Variants in BLTP3B observed in about 807,000 individuals in gnomAD.
The protein encoded by BLTP3B is UHRF1 (ICBP90) binding protein 1-like.
chr12:100,138,803 C>T, the BLTP3B span, among the ~76,000 whole-genome samples: 1 of 152,194 alleles, frequency 6.6e-6, no homozygotes, highest in Non-Finnish European at 1.5e-5. Flanking sequence ...ATTAAATATA[C>T]GTCCACTTTG....
At chr12:100,057,724 G>C in the BLTP3B span, 1 of 1,610,326 alleles carries the variant, frequency 6.2e-7, no homozygotes, top group South Asian at 1.1e-5. Flanking sequence ...AGGTTGGGTG[G>C]GCAACGTTCC....
the BLTP3B span, chr12:100,051,275 T>G: frequency 6.6e-7 from 1 of 1,520,358 alleles, no homozygotes; most frequent in Non-Finnish European, 8.9e-7. Flanking sequence ...ACACATGATC[T>G]AACACTGTAT....
the BLTP3B span, among the ~76,000 whole-genome samples, chr12:100,070,579 C>G: frequency 6.6e-6 from 1 of 152,118 alleles, no homozygotes; most frequent in East Asian, 1.9e-4. Flanking sequence ...TTAACCCAAA[C>G]TAGGAATAAA....
chr12:100,093,198 A>T, the BLTP3B span, among the ~76,000 whole-genome samples: 6 of 152,238 alleles, frequency 3.9e-5, no homozygotes, highest in Non-Finnish European at 5.9e-5. Flanking sequence ...CAGGTCCCCC[A>T]GAGAATTCTG....
the BLTP3B span, among the ~76,000 whole-genome samples, chr12:100,039,162 CA>C: frequency 0.019 from 2,525 of 133,280 alleles, 43 homozygotes; most frequent in African/African-American, 0.059. Flanking sequence ...TTTATAATGG[CA>C]AAAAAAAAAA....
chr12:100,098,446 A>C, the BLTP3B span: 1 of 1,614,104 alleles, frequency 6.2e-7, no homozygotes, highest in Admixed American at 1.7e-5. Context: ...AGAAAGTTCA[A>C]ATGATGCATT....
chr12:100,078,875 A>G, the BLTP3B span, among the ~76,000 whole-genome samples: 2 of 152,084 alleles, frequency 1.3e-5, no homozygotes, highest in Non-Finnish European at 2.9e-5. Context: ...AGGTGATTGA[A>G]TTATGGGGGC....
At chr12:100,138,804 G>A in the BLTP3B span, among the ~76,000 whole-genome samples, 1 of 152,084 alleles carries the variant, frequency 6.6e-6, no homozygotes, top group Non-Finnish European at 1.5e-5. Context: ...TTAAATATAC[G>A]TCCACTTTGC....
At chr12:100,085,755 C>CT in the BLTP3B span, among the ~76,000 whole-genome samples, 3 of 151,390 alleles carry the variant, frequency 2.0e-5, no homozygotes, top group Non-Finnish European at 3.0e-5. Context: ...AATAATCATA[C>CT]TTTTTTTTTC....
At chr12:100,037,605 G>A in the BLTP3B span, 1 of 1,605,490 alleles carries the variant, frequency 6.2e-7, no homozygotes, top group Admixed American at 1.7e-5. Context: ...CTACTCCAGA[G>A]CTATAATTTC....
the BLTP3B span, among the ~76,000 whole-genome samples, chr12:100,133,098 TG>T: frequency 6.6e-6 from 1 of 151,640 alleles, no homozygotes; most frequent in African/African-American, 2.4e-5. Flanking sequence ...AAAATTTAGC[TG>T]GGGGTGGTGG....
the BLTP3B span, among the ~76,000 whole-genome samples, chr12:100,112,913 G>A: frequency 3.3e-5 from 5 of 150,982 alleles, no homozygotes; most frequent in Admixed American, 6.6e-5. Flanking sequence ...GCTCATGCCT[G>A]TAATCCCAGC....
the BLTP3B span, among the ~76,000 whole-genome samples, chr12:100,113,448 G>A: frequency 1.3e-5 from 2 of 152,190 alleles, no homozygotes; most frequent in South Asian, 4.1e-4. Context: ...GGGAGACAGA[G>A]TAAGACTCTG....
chr12:100,124,617 C>T, the BLTP3B span, among the ~76,000 whole-genome samples: 7 of 151,858 alleles, frequency 4.6e-5, no homozygotes, highest in East Asian at 2.0e-4. Flanking sequence ...TGATGGCACG[C>T]GCCTGTAATC....
At chr12:100,063,122 G>T in the BLTP3B span, among the ~76,000 whole-genome samples, 1 of 152,160 alleles carries the variant, frequency 6.6e-6, no homozygotes, top group Non-Finnish European at 1.5e-5. Context: ...AGTGTGTGGA[G>T]GCTCACATAG....
the BLTP3B span, among the ~76,000 whole-genome samples, chr12:100,123,396 T>C: frequency 6.6e-6 from 1 of 152,208 alleles, no homozygotes; most frequent in Non-Finnish European, 1.5e-5. Flanking sequence ...GTTTTTCCTC[T>C]GCTCACACAA....
the BLTP3B span, among the ~76,000 whole-genome samples, chr12:100,102,161 G>A: frequency 2.3e-4 from 34 of 149,152 alleles, no homozygotes; most frequent in African/African-American, 7.5e-4. Flanking sequence ...CAAGGCTGGA[G>A]TGCAATGGCG....
the BLTP3B span, among the ~76,000 whole-genome samples, chr12:100,107,332 T>TATAATA: frequency 2.1e-5 from 3 of 141,030 alleles, no homozygotes; most frequent in Non-Finnish European, 4.5e-5. Flanking sequence ...AATAATAAGT[T>TATAATA]ATAATAATAA....
At chr12:100,043,353 C>T in the BLTP3B span, among the ~76,000 whole-genome samples, 1 of 152,322 alleles carries the variant, frequency 6.6e-6, no homozygotes, top group South Asian at 2.1e-4. Flanking sequence ...TTCTTTCCCT[C>T]ATTGACTTGT....
Sources: allele counts gnomAD v4.1 joint callset (sites outside exome capture counted in the v4.1 genomes callset), GRCh38; gene constraint gnomAD v4.1.1; transcripts MANE v1.5; gene names NCBI Gene and HGNC (gene_info 2026-07-23, HGNC 2026-07-21).